Variants in MSANTD1 observed in about 807,000 individuals in gnomAD.
The protein encoded by MSANTD1 is Myb/SANT DNA binding domain containing 1, also known as myb/SANT-like DNA-binding domain-containing protein 1.
Under a neutral mutation model 24.2 loss-of-function variants are expected in MSANTD1, and 7 were observed. The ratio of observed to expected loss-of-function variants is 0.29; its 90% CI spans 0.16 to 0.54. MSANTD1 has a LOEUF of 0.54. Ranked by LOEUF, MSANTD1 falls within the 20% of genes least tolerant of loss-of-function variation. The pLI is 0.94. For missense variants in MSANTD1, 384 were observed against 408.2 expected, an observed-to-expected ratio of 0.94 and a Z score of 0.51; for synonymous variants, 177 against 181.1, an observed-to-expected ratio of 0.98 and a Z score of 0.18.
chr4:3,249,359 G>T lies in MSANTD1; in HGVS notation c.137G>T (p.Trp46Leu). 1 of 1,559,764 alleles carries T rather than the reference G, an allele frequency of 6.4e-7. No homozygotes were observed. The highest frequency in any genetic ancestry group is 8.7e-7 in the Non-Finnish European group (1 of 1,152,188). ...QAEKHRRARN[W>L]TDAEMRGLML... Reference sequence around the variant, plus strand: ...GAGAAGCACCGGCGGGCCCGCAACTGGACGGACGCCGAGATGCGCGGCCTC... The same window carrying T: ...GAGAAGCACCGGCGGGCCCGCAACTTGACGGACGCCGAGATGCGCGGCCTC... Residue 46 changes from tryptophan (W) to leucine (L), a missense_variant, in exon 1 of 3, where the codon TGG (tryptophan) becomes TTG (leucine). Transcript: ENST00000438480.
At chr4:3,246,754 C>A, upstream of MSANTD1, 1 of 649,256 alleles carries the variant, frequency 1.5e-6, no homozygotes, top group South Asian at 1.7e-5. Flanking sequence ...CCATCTGCTG[C>A]CTGCCTGGTT....
upstream of MSANTD1, chr4:3,244,783 C>T (rs2110314806): frequency 6.6e-6 from 1 of 152,420 alleles, no homozygotes; most frequent in Middle Eastern, 3.4e-3. Context: ...CAGGGGTCGT[C>T]CACCCATTCT....
intron 1 of MSANTD1, among the ~76,000 whole-genome samples, chr4:3,251,537 C>CT: frequency 6.6e-6 from 1 of 152,246 alleles, no homozygotes; most frequent in East Asian, 1.9e-4. Context: ...CTTAGTTCAC[C>CT]GAGGGGGAAG....
upstream of MSANTD1, chr4:3,246,561 C>A (rs529630715): frequency 4.8e-6 from 3 of 623,486 alleles, no homozygotes; most frequent in Non-Finnish European, 8.7e-6. Context: ...CAGCTCCTGC[C>A]GAGGCCTGAC....
intron 2 of MSANTD1, among the ~76,000 whole-genome samples, chr4:3,254,436 A>G (rs1722325254): frequency 6.6e-6 from 1 of 152,198 alleles, no homozygotes; most frequent in Admixed American, 6.5e-5. Context: ...CCGTGGACTG[A>G]GCCCAGTTCT....
chr4:3,255,887 C>A lies in MSANTD1; in HGVS notation c.759C>A (p.Ile253=). ...EVRRVLDQQH[I]LQVQSLQLQE... ...GCCGCGTGCTGGACCAGCAGCACATCCTGCAGGTGCAGAGCCTGCAGCTGC... is the reference window on the plus strand; with the variant it reads ...GCCGCGTGCTGGACCAGCAGCACATACTGCAGGTGCAGAGCCTGCAGCTGC... The change falls in exon 3 of 3, where the codon ATC becomes ATA. Residue 253 remains isoleucine, a synonymous_variant. Coordinates refer to ENST00000438480, the MANE Select transcript of MSANTD1 (RefSeq NM_001042690.2). 3 of 1,545,624 alleles carry A rather than the reference C, an allele frequency of 1.9e-6. No individual in the cohort carries two copies. Among genetic ancestry groups the A allele is most frequent in the Non-Finnish European group, 2.6e-6 (3 of 1,146,138 alleles).
In MSANTD1 at chr4:3,256,282, G is replaced by C. The variant is rs1254419583; in HGVS notation, c.*317G>C. On this transcript the variant is annotated 3_prime_UTR_variant, in exon 3 of 3. Transcript: ENST00000438480. ...TATCAATGATACTTGACGTGGCTTT[G>C]ATATTAAACGTATACTTTTTCATTC... 4.3e-6 allele frequency: 1 copy of C among 230,166 alleles called. No individual in the cohort carries two copies. Among genetic ancestry groups the C allele is most frequent in the Non-Finnish European group, 8.4e-6 (1 of 118,846 alleles). 14.3% of individuals were successfully genotyped at this position (230,166 alleles called of 1,614,324 possible).
Position 3,255,893 on chromosome 4 carries a change from G to A in MSANTD1, c.765G>A (p.Gln255=), listed in dbSNP as rs1277121426. Residue 255 remains glutamine (Q), a synonymous_variant, in exon 3 of 3, where the codon CAG becomes CAA. Transcript: ENST00000438480. ...TGCTGGACCAGCAGCACATCCTGCA[G>A]GTGCAGAGCCTGCAGCTGCAGGAGC... The part of the protein sequence containing the change: ...RRVLDQQHIL[Q]VQSLQLQERM... 6.5e-7 allele frequency: 1 copy of A among 1,545,806 alleles called. No individual in the cohort carries two copies. Among genetic ancestry groups the A allele is most frequent in the South Asian group, 1.2e-5 (1 of 83,938 alleles).
intron 2 of MSANTD1, among the ~76,000 whole-genome samples, chr4:3,253,822 C>T (rs528500020): frequency 6.2e-4 from 95 of 152,336 alleles, no homozygotes; most frequent in African/African-American, 2.0e-3. Context: ...GCATGGGGCC[C>T]GGCACACGGA....
intron 1 of MSANTD1, among the ~76,000 whole-genome samples, chr4:3,250,594 T>G (rs1409748863): frequency 6.6e-6 from 1 of 151,932 alleles, no homozygotes; most frequent in Non-Finnish European, 1.5e-5. Flanking sequence ...GGAGCGAGGG[T>G]GGCAGCAAGA....
At chr4:3,251,924 G>T (rs539825015) in intron 1 of MSANTD1, among the ~76,000 whole-genome samples, 3 of 152,284 alleles carry the variant, frequency 2.0e-5, no homozygotes, top group Admixed American at 2.0e-4. Flanking sequence ...GCCCTCACAC[G>T]CTCTGTGCTG....
In MSANTD1 at chr4:3,249,193, TCGAG is replaced by T. The variant is rs1327040771; in HGVS notation, c.-23_-20del. The T allele has an allele frequency of 2.6e-5, 36 of 1,358,748 alleles. No homozygotes were observed. Among genetic ancestry groups the T allele is most frequent in the Non-Finnish European group, 3.4e-5 (36 of 1,059,066 alleles). 84.2% of individuals were successfully genotyped at this position (1,358,748 alleles called of 1,614,324 possible). The stretch of plus-strand genomic sequence containing the variant: ...CCCCATTTTGAGCGTGGAGCTGCCT[TCGAG>T]CGAGCGTGAGCGGCGCCTCCCGCCC... On this transcript the variant is annotated 5_prime_UTR_variant, in exon 1 of 3. Coordinates refer to ENST00000438480, the MANE Select transcript of MSANTD1 (RefSeq NM_001042690.2).
chr4:3,245,184 GCGGTGAACCC>G (rs1227752372), upstream of MSANTD1: 1 of 152,500 alleles, frequency 6.6e-6, no homozygotes, highest in Non-Finnish European at 1.5e-5. Context: ...GTGGGAAGCA[GCGGTGAACCC>G]CTCGTGAGTG....
chr4:3,252,174 C>T (rs973106713), intron 1 of MSANTD1, among the ~76,000 whole-genome samples: 1 of 152,214 alleles, frequency 6.6e-6, no homozygotes, highest in African/African-American at 2.4e-5. Context: ...GGGCACTGGG[C>T]CTTAGGAGGT....
upstream of MSANTD1, chr4:3,247,447 G>C (rs1288472514): frequency 6.6e-6 from 1 of 152,216 alleles, no homozygotes; most frequent in Non-Finnish European, 1.5e-5. Flanking sequence ...ACCTCACCGG[G>C]GAGGGCCGAA....
rs779772042 is a variant in MSANTD1, at chr4:3,253,200, G to A, written c.321-7G>A. 24 of 1,533,420 alleles carry A rather than the reference G, an allele frequency of 1.6e-5. No individual in the cohort carries two copies. The highest frequency in any genetic ancestry group is 2.7e-5 in the African/African-American group (2 of 72,988). The allele number at this position is 1,533,420 out of a possible 1,614,324, so 95.0% of individuals were successfully genotyped here. On this transcript the variant is annotated splice_polypyrimidine_tract_variant and splice_region_variant and intron_variant, in intron 1 of 2. Transcript: ENST00000438480. ...CTCACCCTTGGCTCTTGTGTCTCTC[G>A]TTTCAGGAAATTAAAATGCATGACA...
At chr4:3,244,999 T>C (rs1235375975), upstream of MSANTD1, 1 of 152,266 alleles carries the variant, frequency 6.6e-6, no homozygotes, top group Non-Finnish European at 1.5e-5. Context: ...TGTCTCCTCA[T>C]AGGTGACACC....
At position 3,255,728 on chromosome 4, in the gene MSANTD1, G is replaced by A. The variant is rs1051850624; in HGVS notation, c.600G>A (p.Ser200=). The A allele has an allele frequency of 1.6e-5, 24 of 1,539,356 alleles. No homozygotes were observed. In the Admixed American group the frequency reaches 2.2e-4, roughly 14 times the overall value. ...SSSLLSLKFR[S]EERPVKKRKV... ...ACAGCCGGCACTGTCCTTCCAGGTC[G>A]GAGGAGCGGCCGGTGAAGAAGCGCA... The change falls in exon 3 of 3, where the codon TCG becomes TCA. Residue 200 remains serine (S), a synonymous_variant. Transcript: ENST00000438480.
upstream of MSANTD1, chr4:3,244,550 G>T (rs1377956596): frequency 6.6e-6 from 1 of 152,288 alleles, no homozygotes; most frequent in Non-Finnish European, 1.5e-5. Flanking sequence ...TAGCTTGTTT[G>T]TCCTGTCTGA....
Sources: gnomAD v4.1 joint callset for allele counts (sites outside exome capture counted in the v4.1 genomes callset) on GRCh38, gnomAD v4.1.1 for gene constraint, MANE v1.5 for transcripts, NCBI Gene and HGNC (gene_info 2026-07-23, HGNC 2026-07-21) for gene names.